Variants in USP33 observed in about 807,000 individuals in gnomAD.
USP33 encodes ubiquitin carboxyl-terminal hydrolase 33.
Under a neutral mutation model 124.2 loss-of-function variants are expected in USP33, and 46 were observed. The observed-to-expected ratio is 0.37, with a 90% CI of 0.29 to 0.47. USP33 has a LOEUF of 0.47. USP33 is among the 20% of genes least tolerant of loss of function. The pLI is 0.99. For synonymous variants in USP33, 350 were observed against 352.3 expected (o/e 0.99, Z 0.07); for missense variants, 851 against 1,070.6 (o/e 0.79, Z 2.86).
chr1:77,698,073 T>TA (rs1673596807), intron 22 of USP33, 142 bp from the exon 23 acceptor site: 2 of 600,218 alleles, frequency 3.3e-6, no homozygotes, highest in East Asian at 3.5e-5. Context: ...TAATTCTTTT[T>TA]TTTTTTTTTT....
intron 21 of USP33, among the ~76,000 whole-genome samples, chr1:77,707,190 G>A (rs1674726679): frequency 6.6e-6 from 1 of 152,162 alleles, no homozygotes; most frequent in African/African-American, 2.4e-5. Flanking sequence ...CCACAAATTT[G>A]GTAAATGAAA....
chr1:77,715,679 G>T, intron 18 of USP33, 63 bp downstream of exon 18: 2 of 1,566,206 alleles, frequency 1.3e-6, no homozygotes, highest in Admixed American at 1.8e-5. Flanking sequence ...GAATGTCTTA[G>T]AAGTCACTGA....
At chr1:77,729,012 AC>A (rs1189879030) in intron 9 of USP33, among the ~76,000 whole-genome samples, 1 of 151,962 alleles carries the variant, frequency 6.6e-6, no homozygotes, top group African/African-American at 2.4e-5. Flanking sequence ...CAATTCTCCC[AC>A]CTCAGTCTCC....
chr1:77,715,722 T>G lies in USP33; in HGVS notation c.2045+20A>C. On this transcript the variant is annotated intron_variant, in intron 18 of 23. Coordinates refer to ENST00000370794, the MANE Select transcript of USP33 (RefSeq NM_201624.3). ...AAAATGTGAGAGATGTCCTTTCGCATCTACACTTATTTCCATTACCTATAG... is the reference window on the plus strand; with the variant it reads ...AAAATGTGAGAGATGTCCTTTCGCAGCTACACTTATTTCCATTACCTATAG... The G allele has an allele frequency of 6.2e-7, 1 of 1,611,164 alleles. No individual in the cohort carries two copies. Among genetic ancestry groups the G allele is most frequent in the East Asian group, 2.2e-5 (1 of 44,832 alleles).
rs146449528 is a variant in USP33, at chr1:77,744,952, G to A, written c.-51-3204C>T. Among the ~76,000 whole-genome samples, 385 of 152,336 alleles carry A rather than the reference G, an allele frequency of 2.5e-3. 2 individuals carry two copies. The highest frequency in any genetic ancestry group is 8.8e-3 in the African/African-American group (364 of 41,574). The stretch of plus-strand genomic sequence containing the variant: ...ATGTCTATTAGGTCCACTTGGTGCA[G>A]AGCTGAGTTCAATTCCTGGACATCC... On this transcript the variant is annotated intron_variant, in intron 1 of 23. Transcript: ENST00000370794.
intron 1 of USP33, among the ~76,000 whole-genome samples, chr1:77,748,441 C>T (rs567993470): frequency 5.3e-5 from 8 of 151,944 alleles, no homozygotes; most frequent in Non-Finnish European, 7.4e-5. Context: ...GAGGCTGAGG[C>T]GGGTGGATCA....
intron 20 of USP33, 31 bp downstream of exon 20, chr1:77,713,169 A>G (rs1675460809): frequency 3.8e-6 from 6 of 1,575,868 alleles, no homozygotes; most frequent in Non-Finnish European, 5.2e-6. Context: ...CGACTTTCAC[A>G]ACACTGTATG....
At chr1:77,701,333 A>C in intron 22 of USP33, 36 bp downstream of exon 22, 1 of 1,482,754 alleles carries the variant, frequency 6.7e-7, no homozygotes. Flanking sequence ...AAAACAAATA[A>C]TTTACCAAAA....
At chr1:77,733,432 G>A (rs1678077756) in intron 7 of USP33, among the ~76,000 whole-genome samples, 3 of 151,344 alleles carry the variant, frequency 2.0e-5, no homozygotes, top group Admixed American at 1.3e-4. Context: ...CTTCAAAGAT[G>A]TGTTCTCTGA....
Position 77,725,810 on chromosome 1 carries a change from C to A in USP33, c.1136-48G>T. 2.0e-6 allele frequency: 3 copies of A among 1,502,502 alleles called. No homozygotes were observed. In the South Asian group the frequency reaches 3.7e-5, roughly 19 times the overall value. 93.1% of individuals were successfully genotyped at this position (1,502,502 alleles called of 1,614,324 possible). A position where few individuals can be genotyped will look rare whatever the true frequency, so the allele number is the denominator to read the frequency against. Reference sequence around the variant, plus strand: ...TATTACCTTAAATAGTAAAATTATTCTAACTGTCCAATAATGTTAAAGGTT... The same window carrying A: ...TATTACCTTAAATAGTAAAATTATTATAACTGTCCAATAATGTTAAAGGTT... On this transcript the variant is annotated intron_variant, in intron 10 of 23. Coordinates refer to ENST00000370794, the MANE Select transcript of USP33 (RefSeq NM_201624.3).
intron 22 of USP33, 140 bp from the exon 23 acceptor site, chr1:77,698,071 T>A: frequency 2.0e-6 from 1 of 492,266 alleles, no homozygotes. Flanking sequence ...GTTAATTCTT[T>A]TTTTTTTTTT....
At chr1:77,731,359 T>C (rs1363591840) in intron 7 of USP33, among the ~76,000 whole-genome samples, 1 of 152,158 alleles carries the variant, frequency 6.6e-6, no homozygotes, top group Non-Finnish European at 1.5e-5. Flanking sequence ...GTGGCTCAAG[T>C]TAGCAATTTA....
Position 77,697,340 on chromosome 1 carries a change from C to T in USP33, c.2713G>A (p.Glu905Lys). 6.2e-7 allele frequency: 1 copy of T among 1,600,952 alleles called. No homozygotes were observed. The highest frequency in any genetic ancestry group is 1.1e-5 in the South Asian group (1 of 87,792). ...PDILQAEEKIEVETRSL is the reference protein window; with the variant it reads ...PDILQAEEKIKVETRSL ...AATTACAAAGACCGAGTTTCTACTT[C>T]AATTTTTTCTTCTGCTTGAAGTATA... The change falls in exon 24 of 24, where the codon GAA becomes AAA. Residue 905 changes from glutamate (E) to lysine (K), a missense_variant. Glu to Lys is a moderately conservative substitution (Grantham distance 56, BLOSUM62 1). This residue lies in a region of USP33 where 142 missense variants were observed against 141.8 expected (regional missense o/e 1.00). Coordinates refer to ENST00000370794, the MANE Select transcript of USP33 (RefSeq NM_201624.3).
At chr1:77,738,325 G>A (rs1426321222) in intron 5 of USP33, among the ~76,000 whole-genome samples, 1 of 152,072 alleles carries the variant, frequency 6.6e-6, no homozygotes, top group Non-Finnish European at 1.5e-5. Flanking sequence ...ATCAAATTCT[G>A]ATCAACTGAT....
At chr1:77,718,817 TACTC>T (rs1676216420) in intron 15 of USP33, 176 bp from the exon 16 acceptor site, 1 of 520,422 alleles carries the variant, frequency 1.9e-6, no homozygotes. Flanking sequence ...TAGTCCCAGA[TACTC>T]AGGAGGCTGA....
intron 4 of USP33, 24 bp downstream of exon 4, chr1:77,740,853 C>T (rs1679040395): frequency 6.6e-7 from 1 of 1,523,004 alleles, no homozygotes. Context: ...AACAAGTCTT[C>T]CATTAAATTT....
At chr1:77,739,113 G>T in intron 5 of USP33, 152 bp downstream of exon 5, 1 of 828,044 alleles carries the variant, frequency 1.2e-6, no homozygotes, top group Non-Finnish European at 1.8e-6. Context: ...AGGGGAGTCT[G>T]AGTGCTTTAT....
intron 11 of USP33, among the ~76,000 whole-genome samples, chr1:77,724,797 C>A (rs1676974973): frequency 6.6e-6 from 1 of 152,106 alleles, no homozygotes. Flanking sequence ...GTGGCTCATG[C>A]CTGTAATTCT....
Position 77,697,141 on chromosome 1 carries a change from G to A in USP33, c.*176C>T. 1 of 559,982 alleles carries A rather than the reference G, an allele frequency of 1.8e-6. No individual in the cohort carries two copies. The highest frequency in any genetic ancestry group is 3.0e-6 in the Non-Finnish European group (1 of 334,208). 34.7% of individuals were successfully genotyped at this position (559,982 alleles called of 1,614,324 possible). ...TATTTAAAACTAAATATACCAACCT[G>A]TGGTATATTACACATTTTAATATAT... On this transcript the variant is annotated 3_prime_UTR_variant, in exon 24 of 24. Coordinates refer to ENST00000370794, the MANE Select transcript of USP33 (RefSeq NM_201624.3).
Sources: gnomAD v4.1 joint callset for allele counts (sites outside exome capture counted in the v4.1 genomes callset) on GRCh38, gnomAD v4.1.1 for gene constraint, gnomAD v4.1.1 regional missense constraint, MANE v1.5 for transcripts, NCBI Gene and HGNC (gene_info 2026-07-23, HGNC 2026-07-21) for gene names.